ABCG1: variants seen among roughly 807,000 people sequenced by gnomAD.
The protein encoded by ABCG1 is ATP-binding cassette sub-family G member 1.
A neutral mutation model predicts 69.2 loss-of-function variants in ABCG1; 29 were observed. The ratio of observed to expected loss-of-function variants is 0.42; its 90% CI spans 0.31 to 0.57. ABCG1 has a LOEUF of 0.57. Among genes scored for constraint, ABCG1 ranks in the 20% least tolerant of loss-of-function variants. The pLI, the probability that ABCG1 is intolerant of heterozygous loss-of-function variation, is 0.15. For synonymous variants in ABCG1, 370 were observed against 374.8 expected (o/e 0.99, Z 0.15); for missense variants, 718 against 898.1 (o/e 0.80, Z 2.56).
chr21:42,279,180 C>T (rs3787999), intron 5 of ABCG1, among the ~76,000 whole-genome samples: 31,817 of 151,768 alleles, frequency 0.21, 3,469 homozygotes, highest in South Asian at 0.3. Flanking sequence ...AGCTGAGGGG[C>T]GGCTGTGGGG....
chr21:42,225,347 T>A (rs1170153589), intron 1 of ABCG1, among the ~76,000 whole-genome samples: 1 of 152,236 alleles, frequency 6.6e-6, no homozygotes, highest in Admixed American at 6.5e-5. Flanking sequence ...AATAGATCGA[T>A]GCCTATGGTG....
upstream of ABCG1, among the ~76,000 whole-genome samples, chr21:42,211,096 A>G (rs1364918406): frequency 1.3e-5 from 2 of 151,650 alleles, no homozygotes; most frequent in Non-Finnish European, 2.9e-5. Context: ...AGTAGCTGGG[A>G]CTACAGGCAT....
chr21:42,278,705 A>G (rs182694), intron 5 of ABCG1, among the ~76,000 whole-genome samples: 100,234 of 152,070 alleles, frequency 0.66, 33,500 homozygotes, highest in Middle Eastern at 0.78. Context: ...ACTTCGTTAC[A>G]GCAGTGAACG....
chr21:42,233,698 C>T (rs2067933940), intron 2 of ABCG1, among the ~76,000 whole-genome samples: 2 of 152,176 alleles, frequency 1.3e-5, no homozygotes, highest in Non-Finnish European at 2.9e-5. Context: ...AGCACATGGC[C>T]CTTGCAGGAA....
intron 2 of ABCG1, among the ~76,000 whole-genome samples, chr21:42,253,878 A>T (rs553284841): frequency 7.4e-4 from 113 of 152,298 alleles, no homozygotes; most frequent in Non-Finnish European, 1.4e-3. Flanking sequence ...TTTTGGTGAT[A>T]TTTATTGATG....
intron 5 of ABCG1, among the ~76,000 whole-genome samples, chr21:42,280,643 G>C (rs1035917490): frequency 4.6e-5 from 7 of 152,214 alleles, no homozygotes; most frequent in African/African-American, 1.7e-4. Flanking sequence ...AAGTGGGGTG[G>C]GCCCAGCTCA....
chr21:42,214,413 G>A (rs752996925), upstream of ABCG1, among the ~76,000 whole-genome samples: 3 of 152,214 alleles, frequency 2.0e-5, no homozygotes, highest in Non-Finnish European at 4.4e-5. Flanking sequence ...CCCAGTCTAC[G>A]ATATTTGTTA....
At chr21:42,283,602 G>C (rs1304090275) in intron 6 of ABCG1, among the ~76,000 whole-genome samples, 1 of 152,072 alleles carries the variant, frequency 6.6e-6, no homozygotes, top group Non-Finnish European at 1.5e-5. Context: ...GGTGACTGCG[G>C]GGCACTAGAC....
At chr21:42,247,162 A>G (rs1336505217) in intron 2 of ABCG1, among the ~76,000 whole-genome samples, 2 of 152,070 alleles carry the variant, frequency 1.3e-5, no homozygotes, top group Non-Finnish European at 2.9e-5. Flanking sequence ...TCTTTTTTCT[A>G]TTTTCATTAT....
At chr21:42,275,247 T>C (rs181166095) in intron 4 of ABCG1, among the ~76,000 whole-genome samples, 3 of 152,280 alleles carry the variant, frequency 2.0e-5, no homozygotes, top group East Asian at 1.9e-4. Context: ...CAGGAACCTG[T>C]GGGGCTGTTC....
intron 2 of ABCG1, among the ~76,000 whole-genome samples, chr21:42,207,389 T>A (rs564699348): frequency 6.6e-6 from 1 of 152,392 alleles, no homozygotes; most frequent in African/African-American, 2.4e-5. Context: ...GTTTTTAATA[T>A]TGGTAATCCA....
At position 42,219,406 on chromosome 21, in the gene ABCG1, G is replaced by A; in HGVS notation, c.42+102G>A. On this transcript the variant is annotated intron_variant, in intron 1 of 14. Coordinates refer to ENST00000398449, the MANE Select transcript of ABCG1 (RefSeq NM_016818.3). The surrounding 1 kb of genome is among the most constrained non-coding windows in gnomAD (Gnocchi z 5.3). ...GCTCGACCTGACACCCCTCCCAGGAGCGCGTCCTCTGGGCGCTGACCCAGG... is the reference window on the plus strand; with the variant it reads ...GCTCGACCTGACACCCCTCCCAGGAACGCGTCCTCTGGGCGCTGACCCAGG... 4 of 1,477,126 alleles carry A rather than the reference G, an allele frequency of 2.7e-6. No homozygotes were observed. The highest frequency in any genetic ancestry group is 2.5e-5 in the South Asian group (2 of 80,056). 91.5% of individuals were successfully genotyped at this position (1,477,126 alleles called of 1,614,324 possible). A position where few individuals can be genotyped will look rare whatever the true frequency, so the allele number is the denominator to read the frequency against.
At position 42,296,652 on chromosome 21, in the gene ABCG1, T is replaced by G; in HGVS notation, c.*260T>G. ...TTTTTTTTTTTAACATACAGAATTTTAAATACCACAACTGGGGCAGAATTT... is the reference window on the plus strand; with the variant it reads ...TTTTTTTTTTTAACATACAGAATTTGAAATACCACAACTGGGGCAGAATTT... On this transcript the variant is annotated 3_prime_UTR_variant, in exon 15 of 15. Transcript: ENST00000398449. The surrounding 1 kb of genome is among the most constrained non-coding windows in gnomAD (Gnocchi z 5.4). 2.1e-6 allele frequency: 1 copy of G among 471,778 alleles called. No homozygotes were observed. Among genetic ancestry groups the G allele is most frequent in the Non-Finnish European group, 3.9e-6 (1 of 256,624 alleles). 29.2% of individuals were successfully genotyped at this position (471,778 alleles called of 1,614,324 possible). A position where few individuals can be genotyped will look rare whatever the true frequency, so the allele number is the denominator to read the frequency against.
rs1354475847 is a variant in ABCG1 at position 42,283,781 on chromosome 21, C to CA, written c.735-779_735-778insA. Among the ~76,000 whole-genome samples the CA allele has an allele frequency of 1.2e-4, 6 of 48,266 alleles. 1 individual carries two copies. The highest frequency in any genetic ancestry group is 4.9e-4 in the African/African-American group (6 of 12,206). The allele number at this position is 48,266 out of a possible 152,430, so 31.7% of individuals were successfully genotyped here. On this transcript the variant is annotated intron_variant, in intron 6 of 14. Coordinates refer to ENST00000398449, the MANE Select transcript of ABCG1 (RefSeq NM_016818.3). ...TGCCTGGACAGTTGTGAAGTACCCCCCAACCCAGATGAGTGGGGACCCCCC... is the reference window on the plus strand; with the variant it reads ...TGCCTGGACAGTTGTGAAGTACCCCCACAACCCAGATGAGTGGGGACCCCCC...
chr21:42,207,213 T>A (rs1255992702), intron 2 of ABCG1, among the ~76,000 whole-genome samples: 1 of 152,230 alleles, frequency 6.6e-6, no homozygotes, highest in Non-Finnish European at 1.5e-5. Context: ...TCTGGGCTTC[T>A]GTTAGATCTG....
At chr21:42,202,133 A>G (rs115905759) in intron 2 of ABCG1, among the ~76,000 whole-genome samples, 3,995 of 152,220 alleles carry the variant, frequency 0.026, 177 homozygotes, top group African/African-American at 0.09. Flanking sequence ...CCCCTGGACC[A>G]TGCCTGGGTA....
At position 42,273,408 on chromosome 21, in the gene ABCG1, G is replaced by A. The variant is rs200593379; in HGVS notation, c.510G>A (p.Pro170=). 9.9e-6 allele frequency: 16 copies of A among 1,613,820 alleles called. No homozygotes were observed. Among genetic ancestry groups the A allele is most frequent in the Admixed American group, 3.3e-5 (2 of 60,024 alleles). ...CYIMQDDMLL[P]HLTVQEAMMV... ...TCATGCAGGATGACATGCTGCTGCC[G>A]CATCTCACTGTGCAGGAGGCCATGA... The change falls in exon 4 of 15, where the codon CCG becomes CCA. Residue 170 remains proline (P), a synonymous_variant. Coordinates refer to ENST00000398449, the MANE Select transcript of ABCG1 (RefSeq NM_016818.3). This position sits in a 1 kb window ranked among gnomAD's most constrained non-coding sequence, Gnocchi z 5.3.
intron 2 of ABCG1, among the ~76,000 whole-genome samples, chr21:42,231,520 G>A (rs2123551382): frequency 6.6e-6 from 1 of 152,306 alleles, no homozygotes; most frequent in African/African-American, 2.4e-5. Context: ...TCAAATTCGG[G>A]GTTGCTTTCT....
At chr21:42,265,044 T>C (rs1455234915) in intron 2 of ABCG1, among the ~76,000 whole-genome samples, 1 of 152,174 alleles carries the variant, frequency 6.6e-6, no homozygotes, top group Non-Finnish European at 1.5e-5. Context: ...TGCTCGCTTG[T>C]GCTGGCCCCC....
Sources: allele counts gnomAD v4.1 joint callset (sites outside exome capture counted in the v4.1 genomes callset), GRCh38; gene constraint gnomAD v4.1.1; non-coding constraint Gnocchi (gnomAD v3.1); transcripts MANE v1.5; gene names NCBI Gene and HGNC (gene_info 2026-07-23, HGNC 2026-07-21).